The following TAFA4 variants were observed in gnomAD, a reference collection of about 807,000 sequenced individuals.
TAFA4 encodes the protein chemokine-like protein TAFA-4.
In TAFA4, 20 loss-of-function variants were observed where a neutral mutation model predicts 21.1. That is an observed-to-expected ratio of 0.95 (90% CI 0.67 to 1.38). The LOEUF (loss-of-function observed/expected upper bound fraction) is 1.38. Among genes scored for constraint, TAFA4 ranks in the 40% most tolerant of loss-of-function variants. The pLI is 0.00. For missense variants in TAFA4, 211 were observed against 180.9 expected (o/e 1.17, Z -0.95); for synonymous variants, 71 against 67.4 (o/e 1.05, Z -0.26).
At chr3:68,839,267 A>AG (rs1251928319) in intron 3 of TAFA4, among the ~76,000 whole-genome samples, 2 of 135,488 alleles carry the variant, frequency 1.5e-5, no homozygotes, top group African/African-American at 5.2e-5. Flanking sequence ...AACAGAGGGT[A>AG]GCCAAAGAAG....
intron 3 of TAFA4, among the ~76,000 whole-genome samples, chr3:68,778,914 C>A (rs1703099729): frequency 6.6e-6 from 1 of 152,124 alleles, no homozygotes; most frequent in South Asian, 2.1e-4. Flanking sequence ...GAGGTTGGAA[C>A]AGTTTGGAGG....
At chr3:68,781,275 GA>G (rs758457224) in intron 3 of TAFA4, among the ~76,000 whole-genome samples, 1 of 150,478 alleles carries the variant, frequency 6.6e-6, no homozygotes, top group Non-Finnish European at 1.5e-5. Flanking sequence ...GCAAAAAATG[GA>G]AAAAAATAAC....
At position 68,800,645 on chromosome 3, in the gene TAFA4, A is replaced by G. The variant is rs143793358; in HGVS notation, c.131-47627T>C. On this transcript the variant is annotated intron_variant, in intron 3 of 5. Coordinates refer to ENST00000295569, the MANE Select transcript of TAFA4 (RefSeq NM_182522.5). ...CCTTCCTATCCACACTCAACTCCCC[A>G]ACTGGTCTGCTCCACACTTGCTTCT... 2.7e-4 allele frequency among the ~76,000 whole-genome samples: 41 copies of G among 152,284 alleles called. 1 individual carries two copies. In the East Asian group the frequency reaches 7.5e-3, roughly 28 times the overall value.
At chr3:68,931,271 A>AG (rs1256180131) in intron 1 of TAFA4, among the ~76,000 whole-genome samples, 7 of 151,926 alleles carry the variant, frequency 4.6e-5, no homozygotes, top group East Asian at 3.9e-4. Flanking sequence ...GTTAAACCAA[A>AG]GGGGGGTCCC....
At position 68,912,117 on chromosome 3, in the gene TAFA4, T is replaced by C. The variant is rs553633551; in HGVS notation, c.-123+20123A>G. Reference sequence around the variant, plus strand: ...GCAACTCACTGGGAGAGTCAGTCTGTTATTTTCCCCATTGTCTGTATCCCA... The same window carrying C: ...GCAACTCACTGGGAGAGTCAGTCTGCTATTTTCCCCATTGTCTGTATCCCA... On this transcript the variant is annotated intron_variant, in intron 1 of 5. Coordinates refer to ENST00000295569, the MANE Select transcript of TAFA4 (RefSeq NM_182522.5). Among the ~76,000 whole-genome samples, 4 of 152,308 alleles carry C rather than the reference T, an allele frequency of 2.6e-5. No homozygotes were observed. In the South Asian group the frequency reaches 8.3e-4, roughly 32 times the overall value.
rs148784011 is a variant in TAFA4, at chr3:68,914,967, C to G, written c.-123+17273G>C. Reference sequence around the variant, plus strand: ...TGGTCATGCAACATTCGTTTACATACCATCGCAGGCTTTTTCCCACTATAA... The same window carrying G: ...TGGTCATGCAACATTCGTTTACATAGCATCGCAGGCTTTTTCCCACTATAA... On this transcript the variant is annotated intron_variant, in intron 1 of 5. Transcript: ENST00000295569. Among the ~76,000 whole-genome samples, 321 of 152,292 alleles carry G rather than the reference C, an allele frequency of 2.1e-3. 1 individual carries two copies. The highest frequency in any genetic ancestry group is 7.5e-3 in the African/African-American group (311 of 41,548).
chr3:68,820,679 A>G (rs926396645), intron 3 of TAFA4, among the ~76,000 whole-genome samples: 1 of 152,200 alleles, frequency 6.6e-6, no homozygotes, highest in Non-Finnish European at 1.5e-5. Flanking sequence ...AAAGAAAAAG[A>G]AAATTGCTAA....
chr3:68,733,458 C>T (rs140038712), intron 5 of TAFA4, among the ~76,000 whole-genome samples: 1 of 152,282 alleles, frequency 6.6e-6, no homozygotes, highest in Non-Finnish European at 1.5e-5. Flanking sequence ...GCATGCTGAG[C>T]ATGCTTTGTT....
chr3:68,926,821 G>C (rs1168787041), intron 1 of TAFA4, among the ~76,000 whole-genome samples: 1 of 152,148 alleles, frequency 6.6e-6, no homozygotes, highest in Non-Finnish European at 1.5e-5. Flanking sequence ...TGAGGTGAGA[G>C]AATCGCTTGA....
At chr3:68,886,715 T>C (rs772798715) in intron 1 of TAFA4, among the ~76,000 whole-genome samples, 5 of 152,220 alleles carry the variant, frequency 3.3e-5, no homozygotes, top group Admixed American at 6.5e-5. Context: ...CATTCAGTCA[T>C]ATTTTCCCAG....
intron 3 of TAFA4, among the ~76,000 whole-genome samples, chr3:68,823,264 T>A (rs1005935310): frequency 1.3e-5 from 2 of 152,166 alleles, no homozygotes; most frequent in African/African-American, 4.8e-5. Flanking sequence ...AACATTTCTT[T>A]CAACGATGAA....
At chr3:68,766,377 CACACA>C (rs1702855047) in intron 3 of TAFA4, among the ~76,000 whole-genome samples, 1 of 151,450 alleles carries the variant, frequency 6.6e-6, no homozygotes. Flanking sequence ...AAAAAAATAC[CACACA>C]TCAAATCCAG....
chr3:68,867,879 T>C lies in TAFA4; in HGVS notation c.130+12851A>G, dbSNP rs541467329. On this transcript the variant is annotated intron_variant, in intron 3 of 5. Coordinates refer to ENST00000295569, the MANE Select transcript of TAFA4 (RefSeq NM_182522.5). ...ATGAAAAGCAACAAATTAAAACATA[T>C]TACCAGAGAAAAAAATCACATAGCC... Among the ~76,000 whole-genome samples, 3 of 150,770 alleles carry C rather than the reference T, an allele frequency of 2.0e-5. No individual in the cohort carries two copies. The East Asian group carries it at 5.9e-4, about 30-fold the overall frequency.
chr3:68,754,527 C>T (rs1244768075), intron 3 of TAFA4, among the ~76,000 whole-genome samples: 5 of 152,198 alleles, frequency 3.3e-5, no homozygotes, highest in Non-Finnish European at 7.3e-5. Context: ...ATTCTCAGTG[C>T]ATCATATCAG....
At position 68,742,621 on chromosome 3, in the gene TAFA4, T is replaced by C. The variant is rs1201623830; in HGVS notation, c.287-3422A>G. ...ATAAAAGACTACACATGAGGTACAG[T>C]GTATACCGCTCATTGGTGCACCCCT... On this transcript the variant is annotated intron_variant, in intron 4 of 5. Coordinates refer to ENST00000295569, the MANE Select transcript of TAFA4 (RefSeq NM_182522.5). 4.6e-5 allele frequency among the ~76,000 whole-genome samples: 7 copies of C among 152,174 alleles called. No individual in the cohort carries two copies. In the East Asian group the frequency reaches 1.3e-3, roughly 29 times the overall value.
chr3:68,917,429 C>A (rs111647237), intron 1 of TAFA4, among the ~76,000 whole-genome samples: 1 of 152,038 alleles, frequency 6.6e-6, no homozygotes, highest in Admixed American at 6.6e-5. Context: ...AGAGACCTCC[C>A]CCCCTGTGTG....
At chr3:68,902,587 C>A (rs1382910113) in intron 1 of TAFA4, among the ~76,000 whole-genome samples, 2 of 152,178 alleles carry the variant, frequency 1.3e-5, no homozygotes, top group East Asian at 3.9e-4. Flanking sequence ...AGGCTGGTCT[C>A]GAATTCCTGG....
intron 3 of TAFA4, among the ~76,000 whole-genome samples, chr3:68,815,104 T>C (rs1703939585): frequency 6.6e-6 from 1 of 152,234 alleles, no homozygotes; most frequent in African/African-American, 2.4e-5. Flanking sequence ...GAAACCTGGC[T>C]AGCCATATGT....
At chr3:68,817,389 C>T (rs2106856284) in intron 3 of TAFA4, among the ~76,000 whole-genome samples, 1 of 152,240 alleles carries the variant, frequency 6.6e-6, no homozygotes, top group African/African-American at 2.4e-5. Flanking sequence ...TCTCAAATTC[C>T]TCATAGTCAT....
Sources: gnomAD v4.1 joint callset for allele counts (sites outside exome capture counted in the v4.1 genomes callset) on GRCh38, gnomAD v4.1.1 for gene constraint, MANE v1.5 for transcripts, NCBI Gene and HGNC (gene_info 2026-07-23, HGNC 2026-07-21) for gene names.